The following RBFOX1 variants were observed in gnomAD, a reference collection of about 807,000 sequenced individuals.
The protein encoded by RBFOX1 is RNA binding fox-1 homolog 1, also known as RNA binding protein fox-1 homolog 1.
In RBFOX1, 8 loss-of-function variants were observed where a neutral mutation model predicts 57.7. The observed-to-expected ratio is 0.14, with a 90% confidence interval of 0.08 to 0.25. RBFOX1 has a LOEUF of 0.25. Ranked by LOEUF, RBFOX1 falls within the 10% of genes least tolerant of loss-of-function variation. RBFOX1 has a pLI of 1.00. For missense variants in RBFOX1, 611 were observed against 548.5 expected (o/e 1.11, Z -1.14); for synonymous variants, 326 against 222.4 (o/e 1.47, Z -4.15).
At chr16:6,883,920 A>T (rs1745686685) in intron 3 of RBFOX1, among the ~76,000 whole-genome samples, 1 of 151,880 alleles carries the variant, frequency 6.6e-6, no homozygotes. Context: ...GAACATCTTT[A>T]CCCCAGGTAC....
chr16:5,481,163 T>C (rs1459655305), intron 2 of RBFOX1, among the ~76,000 whole-genome samples: 1 of 152,218 alleles, frequency 6.6e-6, no homozygotes, highest in Non-Finnish European at 1.5e-5. Context: ...GGAGGCACTT[T>C]TCATACCTCA....
intron 4 of RBFOX1, among the ~76,000 whole-genome samples, chr16:7,440,697 T>G (rs963068787): frequency 6.6e-6 from 1 of 152,140 alleles, no homozygotes; most frequent in Non-Finnish European, 1.5e-5. Context: ...ACTGATAAAG[T>G]TGAGCTTTTC....
At chr16:6,173,958 T>C (rs1046355369) in intron 1 of RBFOX1, among the ~76,000 whole-genome samples, 2 of 152,136 alleles carry the variant, frequency 1.3e-5, no homozygotes, top group African/African-American at 4.8e-5. Context: ...TCATTAAAGT[T>C]ACAGAGTCCT....
chr16:6,228,909 A>G (rs1327760576), intron 1 of RBFOX1, among the ~76,000 whole-genome samples: 1 of 152,216 alleles, frequency 6.6e-6, no homozygotes, highest in Non-Finnish European at 1.5e-5. Context: ...TGATAAACAT[A>G]TATAATTTTA....
intron 4 of RBFOX1, among the ~76,000 whole-genome samples, chr16:7,452,223 T>C (rs962472177): frequency 2.0e-5 from 3 of 152,220 alleles, no homozygotes; most frequent in African/African-American, 7.2e-5. Flanking sequence ...GTCAGACCTT[T>C]CAGCTGGCTT....
rs562269061 is a variant in RBFOX1, at chr16:7,337,436, A to G, written c.28-180711A>G. On this transcript the variant is annotated intron_variant, in intron 4 of 15. Transcript: ENST00000550418. ...TTTAGTAGAGCAGAGAACTTGGGTG[A>G]ATTCATGGAGTTGGCTTGTGATACT... Among the ~76,000 whole-genome samples the G allele has an allele frequency of 9.3e-4, 142 of 152,302 alleles. 1 individual carries two copies. The highest frequency in any genetic ancestry group is 6.2e-4 in the Non-Finnish European group (42 of 68,018).
intron 4 of RBFOX1, among the ~76,000 whole-genome samples, chr16:7,265,065 A>G (rs1207545379): frequency 6.6e-6 from 1 of 152,234 alleles, no homozygotes; most frequent in Non-Finnish European, 1.5e-5. Context: ...AAATGAGTAT[A>G]ATAAGCTCCC....
intron 3 of RBFOX1, among the ~76,000 whole-genome samples, chr16:6,975,272 ATT>A (rs35440171): frequency 5.3e-4 from 80 of 149,926 alleles, no homozygotes; most frequent in African/African-American, 1.6e-3. Context: ...TTTTTTTATT[ATT>A]TTTTTTTTTG....
intron 3 of RBFOX1, among the ~76,000 whole-genome samples, chr16:5,734,950 C>T (rs1227345144): frequency 6.6e-6 from 1 of 151,930 alleles, no homozygotes; most frequent in Non-Finnish European, 1.5e-5. Flanking sequence ...AGTAGATGTG[C>T]AGATAAAGTT....
chr16:7,110,221 G>A (rs2064443250), intron 4 of RBFOX1, among the ~76,000 whole-genome samples: 1 of 151,382 alleles, frequency 6.6e-6, no homozygotes, highest in Admixed American at 6.6e-5. Context: ...ATAGCCAGGT[G>A]TGGCACCACC....
At chr16:7,603,875 T>C (rs2095166169) in intron 9 of RBFOX1, among the ~76,000 whole-genome samples, 1 of 152,140 alleles carries the variant, frequency 6.6e-6, no homozygotes, top group African/African-American at 2.4e-5. Flanking sequence ...ACAAAGCTGA[T>C]GTTTTTTTTA....
At chr16:5,970,825 T>A (rs924608509) in intron 4 of RBFOX1, among the ~76,000 whole-genome samples, 51 of 152,244 alleles carry the variant, frequency 3.3e-4, no homozygotes, top group Admixed American at 3.3e-3. Context: ...TGAGTCAGTA[T>A]GCACATTGCA....
At chr16:5,279,088 T>C (rs2063209663) in intron 1 of RBFOX1, among the ~76,000 whole-genome samples, 1 of 152,162 alleles carries the variant, frequency 6.6e-6, no homozygotes, top group Non-Finnish European at 1.5e-5. Context: ...TGTGGTTCCA[T>C]GTGAATTTCA....
intron 3 of RBFOX1, among the ~76,000 whole-genome samples, chr16:7,005,473 T>C (rs755447718): frequency 2.0e-5 from 3 of 152,122 alleles, no homozygotes; most frequent in Admixed American, 6.5e-5. Flanking sequence ...TTGACAGGAA[T>C]GGGGAGAAGG....
intron 3 of RBFOX1, among the ~76,000 whole-genome samples, chr16:6,678,147 G>C (rs774796658): frequency 6.6e-6 from 1 of 152,106 alleles, no homozygotes; most frequent in Admixed American, 6.5e-5. Flanking sequence ...TGTTTGAGAC[G>C]GAGTCTCGCT....
intron 3 of RBFOX1, among the ~76,000 whole-genome samples, chr16:5,653,491 C>A (rs371939024): frequency 3.8e-5 from 1 of 26,384 alleles, no homozygotes; most frequent in East Asian, 0.014. Context: ...CCGTGTGCTG[C>A]GTCTTTGAGG....
At chr16:5,818,580 G>A (rs1727624807) in intron 3 of RBFOX1, among the ~76,000 whole-genome samples, 1 of 152,210 alleles carries the variant, frequency 6.6e-6, no homozygotes, top group Non-Finnish European at 1.5e-5. Flanking sequence ...CCATTAATAA[G>A]CATTTTTTGA....
At chr16:6,923,701 T>A (rs897050580) in intron 3 of RBFOX1, among the ~76,000 whole-genome samples, 3 of 152,250 alleles carry the variant, frequency 2.0e-5, no homozygotes, top group Admixed American at 6.5e-5. Context: ...TGCCATTTTC[T>A]AGCCTTTAAA....
At chr16:6,992,246 C>A (rs965456558) in intron 3 of RBFOX1, among the ~76,000 whole-genome samples, 2 of 151,938 alleles carry the variant, frequency 1.3e-5, no homozygotes, top group Non-Finnish European at 2.9e-5. Flanking sequence ...TTACTGCAGC[C>A]TCTGCCTCCC....
Sources: allele counts gnomAD v4.1 joint callset (sites outside exome capture counted in the v4.1 genomes callset), GRCh38; gene constraint gnomAD v4.1.1; transcripts MANE v1.5; gene names NCBI Gene and HGNC (gene_info 2026-07-23, HGNC 2026-07-21).